Variants in NT5C observed in about 807,000 individuals in gnomAD.
The protein encoded by NT5C is 5', 3'-nucleotidase, cytosolic.
In NT5C, 14 loss-of-function variants were observed where a neutral mutation model predicts 17.6. The ratio of observed to expected loss-of-function variants is 0.79; its 90% CI spans 0.52 to 1.24. The LOEUF is 1.24. NT5C is among the 50% of genes most tolerant of loss of function. The probability of loss-of-function intolerance (pLI) is 0.00; values close to 1 mark genes in which losing one functional copy is unlikely to be tolerated. For synonymous variants in NT5C, 153 were observed against 119.2 expected (o/e 1.28, Z -1.85); for missense variants, 328 against 278.3 (o/e 1.18, Z -1.27).
chr17:75,131,137 C>G (rs1298475002), intron 2 of NT5C, 32 bp from the exon 3 acceptor site: 4 of 1,612,512 alleles, frequency 2.5e-6, no homozygotes, highest in African/African-American at 1.3e-5. Flanking sequence ...CCGCCGGGAG[C>G]CAGGAGCCCG....
rs1568022312 is a variant in NT5C, at chr17:75,131,058, CAGT to C, written c.320_322del (p.His107_Cys108delinsArg). The C allele has an allele frequency of 3.7e-6, 6 of 1,612,892 alleles. No homozygotes were observed. Among genetic ancestry groups the C allele is most frequent in the South Asian group, 3.3e-5 (3 of 90,950 alleles). ...GGGCAGCCACACCTTCTCACCCACA[CAGT>C]GGTGGTACTTCAGCAGGGGGCTGGT... On this transcript the variant is annotated inframe_deletion, in exon 3 of 5. Transcript: ENST00000245552.
intron 2 of NT5C, 27 bp downstream of exon 2, chr17:75,131,154 A>T (rs756333071): frequency 1.2e-6 from 2 of 1,611,068 alleles, no homozygotes; most frequent in South Asian, 1.1e-5. Context: ...CCCGCCCAGG[A>T]CTCCGCCCGC....
At position 75,130,271 on chromosome 17, in the gene NT5C, C is replaced by A; in HGVS notation, c.*217G>T. 1 of 584,506 alleles carries A rather than the reference C, an allele frequency of 1.7e-6. No individual in the cohort carries two copies. The highest frequency in any genetic ancestry group is 3.0e-6 in the Non-Finnish European group (1 of 329,544). 36.2% of individuals were successfully genotyped at this position (584,506 alleles called of 1,614,324 possible). ...TATTAAAGGTCCCGACTGGTTTTCC[C>A]ACTGTATTTCCATGCCAGCCAGGGT... On this transcript the variant is annotated 3_prime_UTR_variant, in exon 5 of 5. Coordinates refer to ENST00000245552, the MANE Select transcript of NT5C (RefSeq NM_014595.3).
Position 75,131,298 on chromosome 17 carries a change from C to G in NT5C, c.175-17G>C, listed in dbSNP as rs757509784. ...CACTTTATCCTGAAAGACAAGAGTT[C>G]TGGGTCCCGGCTTCCCGTTCCCGCG... On this transcript the variant is annotated splice_polypyrimidine_tract_variant and intron_variant, in intron 1 of 4. Coordinates refer to ENST00000245552, the MANE Select transcript of NT5C (RefSeq NM_014595.3). The G allele has an allele frequency of 1.9e-6, 3 of 1,611,838 alleles. No individual in the cohort carries two copies. Among genetic ancestry groups the G allele is most frequent in the East Asian group, 4.5e-5 (2 of 44,824 alleles).
At chr17:75,131,508 C>G in intron 1 of NT5C, 26 bp downstream of exon 1, 1 of 1,427,864 alleles carries the variant, frequency 7.0e-7, no homozygotes, top group Non-Finnish European at 9.1e-7. Context: ...CGGGCCCTGC[C>G]CGGGTGGGGA....
rs1403324740 is a variant in NT5C, at chr17:75,131,180, C to A, written c.275+1G>T. The A allele has an allele frequency of 6.2e-7, 1 of 1,613,526 alleles. No homozygotes were observed. Among genetic ancestry groups the A allele is most frequent in the Non-Finnish European group, 8.5e-7 (1 of 1,179,978 alleles). On this transcript the variant is annotated splice_donor_variant, in intron 2 of 4. Transcript: ENST00000245552. LOFTEE classifies it high-confidence loss of function. ...CTCCGCCCGCCCCCCTCTCTCCTTA[C>A]TCCGGTAGGTCGTTCATCTCCCGCA...
intron 1 of NT5C, 22 bp downstream of exon 1, chr17:75,131,512 G>A (rs1191145241): frequency 1.4e-6 from 2 of 1,418,750 alleles, no homozygotes; most frequent in Non-Finnish European, 9.1e-7. Context: ...CCCTGCCCGG[G>A]TGGGGACCCT....
chr17:75,130,600 C>T lies in NT5C; in HGVS notation c.494G>A (p.Cys165Tyr). The change falls in exon 5 of 5, where the codon TGC becomes TAC. Residue 165 changes from cysteine to tyrosine, a missense_variant. Physicochemically the swap from Cys to Tyr is radical, Grantham distance 194. Transcript: ENST00000245552. Reference sequence around the variant, plus strand: ...CAGGACCAGGTGCCGATTGTGGCAGCAGGTGAACAAGATGTGCTCCCAGCT... The same window carrying T: ...CAGGACCAGGTGCCGATTGTGGCAGTAGGTGAACAAGATGTGCTCCCAGCT... ...TPSWEHILFTCCHNRHLVLPP... is the reference protein window; with the variant it reads ...TPSWEHILFTYCHNRHLVLPP... 1 of 1,614,124 alleles carries T rather than the reference C, an allele frequency of 6.2e-7. No homozygotes were observed.
chr17:75,130,896 G>C (rs551104509), intron 3 of NT5C, 29 bp from the exon 4 acceptor site: 2 of 1,613,662 alleles, frequency 1.2e-6, no homozygotes, highest in Non-Finnish European at 1.7e-6. Flanking sequence ...CTGTGAGTAG[G>C]GCCTGATGGA....
At position 75,131,654 on chromosome 17, in the gene NT5C, G is replaced by T. The variant is rs905501229; in HGVS notation, c.54C>A (p.Phe18Leu). 1 of 1,352,098 alleles carries T rather than the reference G, an allele frequency of 7.4e-7. No homozygotes were observed. The highest frequency in any genetic ancestry group is 9.5e-7 in the Non-Finnish European group (1 of 1,056,804). 83.8% of individuals were successfully genotyped at this position (1,352,098 alleles called of 1,614,324 possible). The change falls in exon 1 of 5, where the codon TTC (phenylalanine) becomes TTA (leucine). Residue 18 changes from phenylalanine to leucine, a missense_variant. Transcript: ENST00000245552. ...GGAAGCCCCGCAGGAGGCCGGCCTC[G>T]AAGTCGGCCAGGACGCCGTCCATGT... The part of the protein sequence containing the change: ...LVDMDGVLAD[F>L]EAGLLRGFRR...
At position 75,130,800 on chromosome 17, in the gene NT5C, G is replaced by A. The variant is rs1380655610; in HGVS notation, c.404C>T (p.Thr135Met). The stretch of plus-strand genomic sequence containing the variant: ...AATGAGCAGGTCCCCCAAGACCACC[G>A]TCTTGTCCCTTGTCAGGATAATTCG... ...VERIILTRDK[T>M]VVLGDLLIDD... Residue 135 changes from threonine (T) to methionine (M), a missense_variant, in exon 4 of 5, where the codon ACG becomes ATG. By Grantham distance (81) the Thr-to-Met change is moderately conservative. Coordinates refer to ENST00000245552, the MANE Select transcript of NT5C (RefSeq NM_014595.3). 1.2e-6 allele frequency: 2 copies of A among 1,614,202 alleles called. No individual in the cohort carries two copies. Among genetic ancestry groups the A allele is most frequent in the African/African-American group, 1.3e-5 (1 of 75,068 alleles).
At chr17:75,131,457 G>T in intron 1 of NT5C, 77 bp downstream of exon 1, 1 of 1,412,644 alleles carries the variant, frequency 7.1e-7, no homozygotes, top group Non-Finnish European at 9.4e-7. Flanking sequence ...AGAGCTCTGC[G>T]CCCTTCACAG....
At chr17:75,130,663 G>A (rs1381104194) in intron 4 of NT5C, 21 bp from the exon 5 acceptor site, 3 of 1,613,900 alleles carry the variant, frequency 1.9e-6, no homozygotes, top group Non-Finnish European at 2.5e-6. Context: ...GAAAGACAGC[G>A]CGCTGCCATC....
chr17:75,131,443 G>A (rs2074123329), intron 1 of NT5C, 91 bp downstream of exon 1: 7 of 1,415,238 alleles, frequency 4.9e-6, no homozygotes, highest in Admixed American at 2.8e-5. Context: ...CGGGTTCCAG[G>A]GTGAGAGCTC....
rs374140608 is a variant in NT5C, at chr17:75,130,439, G to A, written c.*49C>T. Reference sequence around the variant, plus strand: ...CCGACTCGGCTCTGCGGTGGCCCCTGTGGGCCTGCCCTTCCTTTAGCTCCA... The same window carrying A: ...CCGACTCGGCTCTGCGGTGGCCCCTATGGGCCTGCCCTTCCTTTAGCTCCA... On this transcript the variant is annotated 3_prime_UTR_variant, in exon 5 of 5. Transcript: ENST00000245552. The A allele has an allele frequency of 6.9e-6, 11 of 1,605,360 alleles. No homozygotes were observed. The highest frequency in any genetic ancestry group is 1.3e-5 in the African/African-American group (1 of 74,794).
In NT5C at chr17:75,130,812, G is replaced by C. The variant is rs1349739416; in HGVS notation, c.392C>G (p.Thr131Arg). ...GPQFVERIIL[T>R]RDKTVVLGDL... ...CCCCAAGACCACCGTCTTGTCCCTTGTCAGGATAATTCGTTCTACGAACTG... is the reference window on the plus strand; with the variant it reads ...CCCCAAGACCACCGTCTTGTCCCTTCTCAGGATAATTCGTTCTACGAACTG... Residue 131 changes from threonine (T) to arginine (R), a missense_variant, in exon 4 of 5, where the codon ACA (threonine) becomes AGA (arginine). Transcript: ENST00000245552. The C allele has an allele frequency of 2.5e-6, 4 of 1,614,082 alleles. No individual in the cohort carries two copies. The highest frequency in any genetic ancestry group is 1.3e-5 in the African/African-American group (1 of 74,928).
Position 75,130,560 on chromosome 17 carries a change from T to C in NT5C, c.534A>G (p.Arg178=). 1 of 1,614,166 alleles carries C rather than the reference T, an allele frequency of 6.2e-7. No individual in the cohort carries two copies. Among genetic ancestry groups the C allele is most frequent in the East Asian group, 2.2e-5 (1 of 44,884 alleles). The change falls in exon 5 of 5, where the codon AGA becomes AGG. Residue 178 remains arginine, a synonymous_variant. Coordinates refer to ENST00000245552, the MANE Select transcript of NT5C (RefSeq NM_014595.3). ...NRHLVLPPTR[R]RLLSWSDNWR... ...AGTTGTCACTCCAGGAGAGCAGCCG[T>C]CTCCTTGTCGGGGGCAGGACCAGGT...
rs2074107177 is a variant in NT5C at position 75,130,869 on chromosome 17, T to C, written c.337-2A>G. 6.2e-7 allele frequency: 1 copy of C among 1,613,964 alleles called. No individual in the cohort carries two copies. The highest frequency in any genetic ancestry group is 8.5e-7 in the Non-Finnish European group (1 of 1,179,968). ...CAGGTGCTGCTCCACCCAGCGGTAC[T>C]GTGTAGAAAACACAGTCTGTGAGTA... On this transcript the variant is annotated splice_acceptor_variant, in intron 3 of 4. Coordinates refer to ENST00000245552, the MANE Select transcript of NT5C (RefSeq NM_014595.3). LOFTEE classifies it high-confidence loss of function.
In NT5C at chr17:75,131,535, G is replaced by A. The variant is rs1375889045; in HGVS notation, c.173C>T (p.Ala58Val). 4 of 1,409,342 alleles carry A rather than the reference G, an allele frequency of 2.8e-6. No individual in the cohort carries two copies. The highest frequency in any genetic ancestry group is 1.6e-5 in the South Asian group (1 of 64,364). The allele number at this position is 1,409,342 out of a possible 1,614,324, so 87.3% of individuals were successfully genotyped here. The change falls in exon 1 of 5, where the codon GCG becomes GTG. Residue 58 changes from alanine to valine, a missense_variant and splice_region_variant. Transcript: ENST00000245552. ...EQYRALRPDL[A>V]DKVASVYEAP... ...GGGTGGGGACCCTGCGCCCCCTACC[G>A]CCAGGTCGGGCCGCAGGGCGCGGTA...
Sources: allele counts gnomAD v4.1 joint callset, GRCh38; gene constraint gnomAD v4.1.1; transcripts MANE v1.5; gene names NCBI Gene and HGNC (gene_info 2026-07-23, HGNC 2026-07-21).